JADE1: variants seen among roughly 807,000 people sequenced by gnomAD.
The protein encoded by JADE1 is jade family PHD finger 1, also known as protein Jade-1.
JADE1 carries 14 observed loss-of-function variants against 81.8 expected under a neutral mutation model. That is an observed-to-expected ratio of 0.17 (90% CI 0.11 to 0.27). The LOEUF (loss-of-function observed/expected upper bound fraction) is 0.27, where lower values mean the gene tolerates loss of function less well. Ranked by LOEUF, JADE1 falls within the 10% of genes least tolerant of loss-of-function variation. The pLI, the probability that JADE1 is intolerant of heterozygous loss-of-function variation, is 1.00. For missense variants in JADE1, 690 were observed against 1,047.9 expected (o/e 0.66, Z 4.71); for synonymous variants, 353 against 391.9 (o/e 0.90, Z 1.17).
At chr4:128,866,561 A>G (rs1731794625) in intron 9 of JADE1, among the ~76,000 whole-genome samples, 1 of 152,274 alleles carries the variant, frequency 6.6e-6, no homozygotes, top group African/African-American at 2.4e-5. Flanking sequence ...TTGTGTCTTC[A>G]CAAGGCTTGT....
Position 128,861,635 on chromosome 4 carries a change from C to T in JADE1, c.982-69C>T, listed in dbSNP as rs1731339519. The T allele has an allele frequency of 2.6e-6, 4 of 1,538,834 alleles. No homozygotes were observed. The East Asian group carries it at 6.8e-5, about 26-fold the overall frequency. On this transcript the variant is annotated intron_variant, in intron 8 of 10. Coordinates refer to ENST00000226319, the MANE Select transcript of JADE1 (RefSeq NM_199320.4). The stretch of plus-strand genomic sequence containing the variant: ...GTGCATGTGTACATGGGGTGCCTAG[C>T]ACTGCAGGCCTTCTGCCATCATTGC...
At chr4:128,863,758 A>C in intron 9 of JADE1, 1 of 985,436 alleles carries the variant, frequency 1.0e-6, no homozygotes. Flanking sequence ...ATTGAGAAGG[A>C]TAAACTGGAA....
At position 128,872,007 on chromosome 4, in the gene JADE1, A is replaced by G. The variant is rs1348478599; in HGVS notation, c.2274A>G (p.Glu758=). The G allele has an allele frequency of 6.2e-7, 1 of 1,613,970 alleles. No homozygotes were observed. The highest frequency in any genetic ancestry group is 1.7e-5 in the Admixed American group (1 of 60,012). Residue 758 remains glutamate (E), a synonymous_variant, in exon 11 of 11, where the codon GAA becomes GAG. Coordinates refer to ENST00000226319, the MANE Select transcript of JADE1 (RefSeq NM_199320.4). ...GATTCCGGATTCCAAAGAAGGGGGA[A>G]CGGCAGCAGCAGGGAGAGGCCCACG... ...WGGFRIPKKG[E]RQQQGEAHDG...
In JADE1 at chr4:128,874,987, T is replaced by C. The variant is rs1665089246; in HGVS notation, c.*2725T>C. 1 of 148,994 alleles carries C rather than the reference T, an allele frequency of 6.7e-6. No individual in the cohort carries two copies. The highest frequency in any genetic ancestry group is 6.7e-5 in the Admixed American group (1 of 14,962). The allele number at this position is 148,994 out of a possible 1,614,324, so 9.2% of individuals were successfully genotyped here. Reference sequence around the variant, plus strand: ...TTTTCACTATGTGCCTAGCTTGGTGTCCATTCAGCTAAAATTGAAAAAAAA... The same window carrying C: ...TTTTCACTATGTGCCTAGCTTGGTGCCCATTCAGCTAAAATTGAAAAAAAA... On this transcript the variant is annotated 3_prime_UTR_variant, in exon 11 of 11. Transcript: ENST00000226319.
At chr4:128,834,850 A>AAT (rs1728854023) in intron 2 of JADE1, among the ~76,000 whole-genome samples, 1 of 151,986 alleles carries the variant, frequency 6.6e-6, no homozygotes, top group African/African-American at 2.4e-5. Context: ...TTTCATCTAA[A>AAT]ATATATATGT....
intron 1 of JADE1, among the ~76,000 whole-genome samples, chr4:128,814,770 T>G (rs2125786179): frequency 6.6e-6 from 1 of 151,918 alleles, no homozygotes; most frequent in East Asian, 1.9e-4. Flanking sequence ...ACCATGTTTG[T>G]CAGGCTGGTC....
chr4:128,816,543 A>G (rs1727046051), intron 1 of JADE1: 1 of 152,208 alleles, frequency 6.6e-6, no homozygotes, highest in Admixed American at 6.5e-5. Flanking sequence ...GGCCTTTCCT[A>G]GCCCAGGACT....
chr4:128,825,080 C>T (rs1049191564), intron 1 of JADE1, among the ~76,000 whole-genome samples: 17 of 152,124 alleles, frequency 1.1e-4, no homozygotes, highest in Admixed American at 3.9e-4. Context: ...TGCTATATTG[C>T]CCGGGCTGGG....
intron 1 of JADE1, among the ~76,000 whole-genome samples, chr4:128,822,172 A>C (rs912469173): frequency 1.3e-5 from 2 of 152,206 alleles, no homozygotes; most frequent in African/African-American, 4.8e-5. Context: ...TTGTGCTTCC[A>C]GGTCTTTTAT....
At chr4:128,847,422 A>G (rs1181979308) in intron 4 of JADE1, among the ~76,000 whole-genome samples, 1 of 152,182 alleles carries the variant, frequency 6.6e-6, no homozygotes, top group African/African-American at 2.4e-5. Context: ...TGGGGAGTCT[A>G]TCCAGTGGTG....
At chr4:128,812,370 C>T (rs545548695) in intron 1 of JADE1, among the ~76,000 whole-genome samples, 4 of 151,328 alleles carry the variant, frequency 2.6e-5, no homozygotes, top group East Asian at 2.0e-4. Flanking sequence ...CCTGCGCATT[C>T]CCCGGCGGGC....
intron 4 of JADE1, among the ~76,000 whole-genome samples, chr4:128,848,679 C>T (rs1730082310): frequency 6.6e-6 from 1 of 152,164 alleles, no homozygotes; most frequent in Non-Finnish European, 1.5e-5. Context: ...ATGTATGGGT[C>T]AGTGTGTTTT....
chr4:128,849,064 C>G lies in JADE1; in HGVS notation c.381C>G (p.Gly127=). The G allele has an allele frequency of 6.2e-7, 1 of 1,614,178 alleles. No individual in the cohort carries two copies. The highest frequency in any genetic ancestry group is 1.1e-5 in the South Asian group (1 of 91,090). Residue 127 remains glycine (G), a synonymous_variant, in exon 5 of 11, where the codon GGC becomes GGG. Transcript: ENST00000226319. The stretch of plus-strand genomic sequence containing the variant: ...CAGGCTCTGAGCCTCCCGAGTTGGG[C>G]TATGTGGACATCCGGACGCTGGCTG... ...VSSGSEPPEL[G]YVDIRTLADS...
intron 1 of JADE1, among the ~76,000 whole-genome samples, chr4:128,813,407 C>T (rs1434704474): frequency 2.6e-5 from 3 of 115,560 alleles, no homozygotes; most frequent in Admixed American, 9.7e-5. Flanking sequence ...CTTACGGTCA[C>T]TTTTTTTTTT....
rs968844955 is a variant in JADE1 at position 128,874,783 on chromosome 4, G to C, written c.*2521G>C. On this transcript the variant is annotated 3_prime_UTR_variant, in exon 11 of 11. Coordinates refer to ENST00000226319, the MANE Select transcript of JADE1 (RefSeq NM_199320.4). Reference sequence around the variant, plus strand: ...TGCATCCTGACCAAGAAATATCTTTGATTATGATTAATGTATTATGTCAAA... The same window carrying C: ...TGCATCCTGACCAAGAAATATCTTTCATTATGATTAATGTATTATGTCAAA... 2 of 152,354 alleles carry C rather than the reference G, an allele frequency of 1.3e-5. No homozygotes were observed. Among genetic ancestry groups the C allele is most frequent in the African/African-American group, 2.4e-5 (1 of 41,388 alleles). The allele number at this position is 152,354 out of a possible 1,614,324, so 9.4% of individuals were successfully genotyped here.
rs565348181 is a variant in JADE1 at position 128,871,027 on chromosome 4, A to G, written c.1622-328A>G. Reference sequence around the variant, plus strand: ...CCAGGTAGAGGGAGCAGAGGCAGCCATCAGCCACCTGATGAGTTCTGCATG... The same window carrying G: ...CCAGGTAGAGGGAGCAGAGGCAGCCGTCAGCCACCTGATGAGTTCTGCATG... On this transcript the variant is annotated intron_variant, in intron 10 of 10. Coordinates refer to ENST00000226319, the MANE Select transcript of JADE1 (RefSeq NM_199320.4). The surrounding 1 kb of genome is among the most constrained non-coding windows in gnomAD (Gnocchi z 4.1). Among the ~76,000 whole-genome samples the G allele has an allele frequency of 1.3e-5, 2 of 152,232 alleles. No individual in the cohort carries two copies. Among genetic ancestry groups the G allele is most frequent in the African/African-American group, 4.8e-5 (2 of 41,466 alleles).
intron 1 of JADE1, among the ~76,000 whole-genome samples, chr4:128,824,100 A>C (rs1349371599): frequency 6.6e-6 from 1 of 152,190 alleles, no homozygotes; most frequent in African/African-American, 2.4e-5. Context: ...GTGTTTAAAA[A>C]ATAATTTGAA....
chr4:128,860,425 A>C (rs1342151646), intron 8 of JADE1, among the ~76,000 whole-genome samples: 1 of 152,162 alleles, frequency 6.6e-6, no homozygotes, highest in Non-Finnish European at 1.5e-5. Flanking sequence ...AAATACTGGA[A>C]TGATTAGGGG....
intron 3 of JADE1, 56 bp downstream of exon 3, chr4:128,843,094 A>C (rs1041647259): frequency 3.5e-5 from 49 of 1,406,702 alleles, no homozygotes; most frequent in Non-Finnish European, 4.7e-5. Context: ...CCATATGCCT[A>C]GTTGAGTGGT....
Sources: gnomAD v4.1 joint callset for allele counts (sites outside exome capture counted in the v4.1 genomes callset) on GRCh38, gnomAD v4.1.1 for gene constraint, Gnocchi (gnomAD v3.1) non-coding constraint, MANE v1.5 for transcripts, NCBI Gene and HGNC (gene_info 2026-07-23, HGNC 2026-07-21) for gene names.